Variants in KDELR2 observed in about 807,000 individuals in gnomAD.
The protein encoded by KDELR2 is ER lumen protein-retaining receptor 2.
A neutral mutation model predicts 23.9 loss-of-function variants in KDELR2; 15 were observed. The ratio of observed to expected loss-of-function variants is 0.63; its 90% CI spans 0.42 to 0.97. KDELR2 has a LOEUF of 0.97. Among genes scored for constraint, KDELR2 ranks in the 50% least tolerant of loss-of-function variants. KDELR2 has a pLI of 0.00. For synonymous variants in KDELR2, 119 were observed against 106.2 expected (o/e 1.12, Z -0.74); for missense variants, 272 against 254.6 (o/e 1.07, Z -0.46).
chr7:6,483,504 G>C (rs928533745), intron 1 of KDELR2, among the ~76,000 whole-genome samples: 14 of 152,100 alleles, frequency 9.2e-5, no homozygotes, highest in African/African-American at 3.4e-4. Context: ...CGAGCTGGCT[G>C]GGCTGCCACG....
chr7:6,473,451 A>T (rs1785693945), intron 2 of KDELR2, among the ~76,000 whole-genome samples: 1 of 152,076 alleles, frequency 6.6e-6, no homozygotes, highest in Non-Finnish European at 1.5e-5. Flanking sequence ...AACTTCCCCC[A>T]GTGTGGGGTG....
chr7:6,473,534 T>A (rs564425821), intron 2 of KDELR2, among the ~76,000 whole-genome samples: 1 of 152,146 alleles, frequency 6.6e-6, no homozygotes, highest in South Asian at 2.1e-4. Context: ...TACACTAGTT[T>A]TAATGTGAAT....
At chr7:6,468,508 TTTC>T (rs899647173) in intron 3 of KDELR2, among the ~76,000 whole-genome samples, 180 of 151,442 alleles carry the variant, frequency 1.2e-3, no homozygotes, top group African/African-American at 4.1e-3. Context: ...TTTGATTTTC[TTTC>T]TTCTTTTTTT....
intron 2 of KDELR2, among the ~76,000 whole-genome samples, chr7:6,470,837 G>A (rs1278840101): frequency 1.3e-5 from 2 of 152,106 alleles, no homozygotes; most frequent in Non-Finnish European, 2.9e-5. Flanking sequence ...CATGTTGGCT[G>A]GGCATGGTGG....
chr7:6,471,593 T>G (rs1182701491), intron 2 of KDELR2, among the ~76,000 whole-genome samples: 2 of 152,204 alleles, frequency 1.3e-5, no homozygotes, highest in East Asian at 1.9e-4. Flanking sequence ...CTTCAGTGTA[T>G]GTTGTTTCAC....
chr7:6,474,410 G>A, intron 1 of KDELR2, 126 bp from the exon 2 acceptor site: 2 of 639,524 alleles, frequency 3.1e-6, no homozygotes, highest in African/African-American at 3.6e-5. Context: ...GTCTAGGGAT[G>A]GCTCTGAATG....
chr7:6,474,272 T>C lies in KDELR2; in HGVS notation c.104A>G (p.Lys35Arg), dbSNP rs1785710250. 1.9e-6 allele frequency: 3 copies of C among 1,611,686 alleles called. No homozygotes were observed. Among genetic ancestry groups the C allele is most frequent in the Non-Finnish European group, 2.5e-6 (3 of 1,177,932 alleles). ...KTRSCAGISG[K>R]SQLLFALVFT... The stretch of plus-strand genomic sequence containing the variant: ...GACCAGTGCAAACAGAAGCTGGCTT[T>C]TCCCAGAAATACCTAGAGAAACAGA... Residue 35 changes from lysine (K) to arginine (R), a missense_variant, in exon 2 of 5, where the codon AAA becomes AGA. Lys to Arg is a conservative substitution (Grantham distance 26). Coordinates refer to ENST00000258739, the MANE Select transcript of KDELR2 (RefSeq NM_006854.4).
rs983735468 is a variant in KDELR2 at position 6,479,468 on chromosome 7, T to C, written c.91+4499A>G. The stretch of plus-strand genomic sequence containing the variant: ...CTAAGACCGGCCAAGAACAAAAACT[T>C]TTTTTTTGTTTGTTTGTTTGATTTT... On this transcript the variant is annotated intron_variant, in intron 1 of 4. Transcript: ENST00000258739. 2.0e-5 allele frequency among the ~76,000 whole-genome samples: 3 copies of C among 151,858 alleles called. No homozygotes were observed. The East Asian group carries it at 5.8e-4, about 29-fold the overall frequency.
At chr7:6,466,367 CAGG>C in intron 3 of KDELR2, 44 bp from the exon 4 acceptor site, 3 of 1,600,828 alleles carry the variant, frequency 1.9e-6, no homozygotes, top group Middle Eastern at 2.2e-4. Context: ...CACTGCCCAC[CAGG>C]AGCTCAGAGG....
rs117522813 is a variant in KDELR2, at chr7:6,470,282, G to A, written c.193-528C>T. On this transcript the variant is annotated intron_variant, in intron 2 of 4. Transcript: ENST00000258739. ...TCCATGGCGTTTGCATGCTCTCCCC[G>A]AGTCCACGTGGGTCTTCTCCAAGAG... 5.2e-3 allele frequency: 787 copies of A among 152,452 alleles called. 3 individuals carry two copies. Among genetic ancestry groups the A allele is most frequent in the Non-Finnish European group, 8.1e-3 (551 of 68,152 alleles). 9.4% of individuals were successfully genotyped at this position (152,452 alleles called of 1,614,324 possible).
Position 6,462,624 on chromosome 7 carries a change from T to C in KDELR2, c.*517A>G, listed in dbSNP as rs975317778. 2 of 188,958 alleles carry C rather than the reference T, an allele frequency of 1.1e-5. No homozygotes were observed. The highest frequency in any genetic ancestry group is 5.6e-5 in the Admixed American group (1 of 17,722). 11.7% of individuals were successfully genotyped at this position (188,958 alleles called of 1,614,324 possible). A position where few individuals can be genotyped will look rare whatever the true frequency, so the allele number is the denominator to read the frequency against. ...GACTTCCACGTCACGTGGGAATAAATTTGAACAGATACATCCAATTGAACA... is the reference window on the plus strand; with the variant it reads ...GACTTCCACGTCACGTGGGAATAAACTTGAACAGATACATCCAATTGAACA... On this transcript the variant is annotated 3_prime_UTR_variant, in exon 5 of 5. Coordinates refer to ENST00000258739, the MANE Select transcript of KDELR2 (RefSeq NM_006854.4).
Position 6,462,383 on chromosome 7 carries a change from T to C in KDELR2, c.*758A>G, listed in dbSNP as rs1039582135. The C allele has an allele frequency of 2.6e-5, 4 of 152,780 alleles. No individual in the cohort carries two copies. The highest frequency in any genetic ancestry group is 9.6e-5 in the African/African-American group (4 of 41,464). The allele number at this position is 152,780 out of a possible 1,614,324, so 9.5% of individuals were successfully genotyped here. A position where few individuals can be genotyped will look rare whatever the true frequency, so the allele number is the denominator to read the frequency against. On this transcript the variant is annotated 3_prime_UTR_variant, in exon 5 of 5. Transcript: ENST00000258739. ...ACACCCCTCCCATCCCACACTCAGA[T>C]GGAAAGCAGCCAGAACCCCTGCCAC...
intron 3 of KDELR2, among the ~76,000 whole-genome samples, chr7:6,467,007 A>G (rs1348906029): frequency 1.3e-5 from 2 of 152,124 alleles, no homozygotes; most frequent in African/African-American, 4.8e-5. Flanking sequence ...TCCTGGCATA[A>G]ATCACAGAAA....
chr7:6,472,226 C>T (rs971311743), intron 2 of KDELR2, among the ~76,000 whole-genome samples: 5 of 152,218 alleles, frequency 3.3e-5, no homozygotes, highest in African/African-American at 1.2e-4. Context: ...CCAAGGCTCA[C>T]AGCAGAGAGG....
rs545294372 is a variant in KDELR2 at position 6,471,257 on chromosome 7, C to G, written c.193-1503G>C. ...AGTGCAGTGGCACAATCTCGGCTCACTGCAACCTCCGCCTCCCAGGTTCAA... is the reference window on the plus strand; with the variant it reads ...AGTGCAGTGGCACAATCTCGGCTCAGTGCAACCTCCGCCTCCCAGGTTCAA... On this transcript the variant is annotated intron_variant, in intron 2 of 4. Transcript: ENST00000258739. Among the ~76,000 whole-genome samples, 5 of 129,260 alleles carry G rather than the reference C, an allele frequency of 3.9e-5. No individual in the cohort carries two copies. The South Asian group carries it at 1.1e-3, about 29-fold the overall frequency. 84.8% of individuals were successfully genotyped at this position (129,260 alleles called of 152,430 possible). A position where few individuals can be genotyped will look rare whatever the true frequency, so the allele number is the denominator to read the frequency against.
rs17136294 is a variant in KDELR2 at position 6,475,552 on chromosome 7, T to C, written c.92-1268A>G. Among the ~76,000 whole-genome samples the C allele has an allele frequency of 7.2e-3, 1,099 of 152,352 alleles. 27 individuals are homozygous for C. Among genetic ancestry groups the C allele is most frequent in the East Asian group, 0.052 (271 of 5,182 alleles). ...CTGGTCTTCAAAAGCAGCTGTCTTT[T>C]TTAAAGCCTTGAAACTGTGTTTCCA... On this transcript the variant is annotated intron_variant, in intron 1 of 4. Coordinates refer to ENST00000258739, the MANE Select transcript of KDELR2 (RefSeq NM_006854.4).
At chr7:6,464,724 T>C (rs1341735685) in intron 4 of KDELR2, among the ~76,000 whole-genome samples, 1 of 126,542 alleles carries the variant, frequency 7.9e-6, no homozygotes, top group African/African-American at 3.0e-5. Flanking sequence ...ACATATATGC[T>C]CTTTTTTTTC....
intron 1 of KDELR2, among the ~76,000 whole-genome samples, chr7:6,478,304 G>A (rs1026594093): frequency 2.6e-5 from 4 of 151,852 alleles, no homozygotes; most frequent in Admixed American, 1.3e-4. Flanking sequence ...ACGCCACCAC[G>A]CCCAGCTAAT....
intron 3 of KDELR2, among the ~76,000 whole-genome samples, chr7:6,468,348 T>C (rs1336928495): frequency 6.6e-6 from 1 of 152,178 alleles, no homozygotes; most frequent in Admixed American, 6.5e-5. Flanking sequence ...TTTTTTTCTT[T>C]AGATGGAGTC....
Sources: allele counts gnomAD v4.1 joint callset (sites outside exome capture counted in the v4.1 genomes callset), GRCh38; gene constraint gnomAD v4.1.1; transcripts MANE v1.5; gene names NCBI Gene and HGNC (gene_info 2026-07-23, HGNC 2026-07-21).